AFG2A: variants seen among roughly 807,000 people sequenced by gnomAD.
AFG2A encodes AAA ATPase AFG2A, also known as ATPase family gene 2 protein homolog A.
At chr4:123,291,939 C>T in the AFG2A span, among the ~76,000 whole-genome samples, 1 of 152,310 alleles carries the variant, frequency 6.6e-6, no homozygotes, top group Non-Finnish European at 1.5e-5. Context: ...GGAAGTTTCC[C>T]TCAATTATTC....
At chr4:123,068,986 G>C in the AFG2A span, among the ~76,000 whole-genome samples, 2 of 152,138 alleles carry the variant, frequency 1.3e-5, no homozygotes, top group Non-Finnish European at 2.9e-5. Flanking sequence ...ACTCCAAAAA[G>C]AATTACTGAA....
At chr4:123,113,654 C>G in the AFG2A span, among the ~76,000 whole-genome samples, 1 of 152,166 alleles carries the variant, frequency 6.6e-6, no homozygotes, top group Non-Finnish European at 1.5e-5. Flanking sequence ...TAAATTCTTG[C>G]AGCCCTTCCC....
chr4:123,294,961 G>A, the AFG2A span, among the ~76,000 whole-genome samples: 1 of 152,192 alleles, frequency 6.6e-6, no homozygotes, highest in Non-Finnish European at 1.5e-5. Flanking sequence ...TGCAGCACCT[G>A]TATAAATACA....
the AFG2A span, among the ~76,000 whole-genome samples, chr4:123,082,031 T>C: frequency 6.6e-6 from 1 of 152,180 alleles, no homozygotes; most frequent in Non-Finnish European, 1.5e-5. Flanking sequence ...TGGATAACAG[T>C]CTTTATCACA....
chr4:123,028,418 C>A, the AFG2A span: 1 of 1,602,540 alleles, frequency 6.2e-7, no homozygotes, highest in Non-Finnish European at 8.5e-7. Flanking sequence ...ATTTTTTAAT[C>A]GCTACTCTCT....
At chr4:123,189,115 C>G in the AFG2A span, among the ~76,000 whole-genome samples, 3 of 152,188 alleles carry the variant, frequency 2.0e-5, no homozygotes, top group African/African-American at 2.4e-5. Context: ...TGCTGTCTGT[C>G]TATCTCGCAG....
At chr4:123,154,995 C>G in the AFG2A span, among the ~76,000 whole-genome samples, 2 of 152,134 alleles carry the variant, frequency 1.3e-5, no homozygotes, top group Non-Finnish European at 2.9e-5. Context: ...TTCCCTCCCT[C>G]TCTGCCCCTC....
the AFG2A span, among the ~76,000 whole-genome samples, chr4:123,108,847 A>G: frequency 6.6e-6 from 1 of 152,278 alleles, no homozygotes; most frequent in African/African-American, 2.4e-5. Flanking sequence ...CTTTAATTCT[A>G]TAGTTTGGGG....
the AFG2A span, among the ~76,000 whole-genome samples, chr4:123,083,168 A>C: frequency 6.6e-6 from 1 of 152,134 alleles, no homozygotes; most frequent in Non-Finnish European, 1.5e-5. Flanking sequence ...TGTGATGTTG[A>C]AAAGGAATGG....
chr4:122,939,162 C>T, the AFG2A span, among the ~76,000 whole-genome samples: 12 of 146,586 alleles, frequency 8.2e-5, no homozygotes, highest in East Asian at 4.1e-4. Flanking sequence ...CTCGGCTCAC[C>T]GCAACCTCTG....
the AFG2A span, among the ~76,000 whole-genome samples, chr4:123,311,366 A>G: frequency 2.6e-5 from 4 of 152,134 alleles, no homozygotes; most frequent in Non-Finnish European, 5.9e-5. Flanking sequence ...GGGGGCTCAC[A>G]CCTGTAATCC....
the AFG2A span, among the ~76,000 whole-genome samples, chr4:122,969,265 T>A: frequency 6.6e-6 from 1 of 152,086 alleles, no homozygotes; most frequent in South Asian, 2.1e-4. Flanking sequence ...TTTTATTGTT[T>A]TTCCTTTCAT....
chr4:123,098,788 C>T, the AFG2A span, among the ~76,000 whole-genome samples: 1 of 151,910 alleles, frequency 6.6e-6, no homozygotes, highest in East Asian at 1.9e-4. Context: ...TAGGTTGATT[C>T]CATGACTTGG....
At chr4:123,190,604 AGATTAATGGAC>A in the AFG2A span, among the ~76,000 whole-genome samples, 4 of 152,192 alleles carry the variant, frequency 2.6e-5, no homozygotes, top group Non-Finnish European at 5.9e-5. Context: ...TTCCTCTAAT[AGATTAATGGAC>A]AGAGGTTAAT....
At chr4:122,996,973 G>T in the AFG2A span, among the ~76,000 whole-genome samples, 14 of 152,240 alleles carry the variant, frequency 9.2e-5, no homozygotes, top group South Asian at 2.9e-3. Flanking sequence ...TGATTGGATG[G>T]TGCCTGCCCA....
the AFG2A span, among the ~76,000 whole-genome samples, chr4:122,949,538 T>G: frequency 3.9e-5 from 6 of 152,284 alleles, no homozygotes; most frequent in Admixed American, 2.0e-4. Context: ...TGGAGAGAGA[T>G]AACCATCTGC....
chr4:123,211,287 A>G, the AFG2A span, among the ~76,000 whole-genome samples: 3 of 152,180 alleles, frequency 2.0e-5, no homozygotes, highest in Admixed American at 1.3e-4. Flanking sequence ...ACCTAGGGTG[A>G]GAATACCTGT....
chr4:122,930,232 G>A, the AFG2A span, among the ~76,000 whole-genome samples: 1 of 152,170 alleles, frequency 6.6e-6, no homozygotes, highest in Non-Finnish European at 1.5e-5. Flanking sequence ...AGGTAGTTAA[G>A]GTATATCATC....
the AFG2A span, among the ~76,000 whole-genome samples, chr4:123,114,754 C>T: frequency 6.6e-6 from 1 of 152,374 alleles, no homozygotes; most frequent in Admixed American, 6.5e-5. Context: ...CCTGGCTCTG[C>T]AGAGTGTGCA....
Sources: allele counts gnomAD v4.1 joint callset (sites outside exome capture counted in the v4.1 genomes callset), GRCh38; gene constraint gnomAD v4.1.1; transcripts MANE v1.5; gene names NCBI Gene and HGNC (gene_info 2026-07-23, HGNC 2026-07-21).